Variants in KLRG1 observed in about 807,000 individuals in gnomAD.
KLRG1 encodes killer cell lectin-like receptor subfamily G member 1.
In KLRG1, 16 loss-of-function variants were observed where a neutral mutation model predicts 21.8. That is an observed-to-expected ratio of 0.73 (90% confidence interval 0.50 to 1.11). The LOEUF (loss-of-function observed/expected upper bound fraction) is 1.11. KLRG1 is among the 50% of genes most tolerant of loss of function. The pLI is 0.00. For synonymous variants in KLRG1, 69 were observed against 75.9 expected (o/e 0.91, Z 0.47); for missense variants, 173 against 218.3 (o/e 0.79, Z 1.31).
the KLRG1 span, chr12:9,079,373 G>T: frequency 6.4e-7 from 1 of 1,559,974 alleles, no homozygotes; most frequent in Non-Finnish European, 8.8e-7. Context: ...GGATTAATGT[G>T]CATGCTGAGG....
chr12:8,995,388 A>G lies in KLRG1; in HGVS notation c.357+100A>G, dbSNP rs777540778. 12 of 1,028,378 alleles carry G rather than the reference A, an allele frequency of 1.2e-5. No homozygotes were observed. The African/African-American group carries it at 1.6e-4, about 14-fold the overall frequency. 63.7% of individuals were successfully genotyped at this position (1,028,378 alleles called of 1,614,324 possible). A position where few individuals can be genotyped will look rare whatever the true frequency, so the allele number is the denominator to read the frequency against. ...TATCATGTATCCTCTTTTAAGGAACAGAAGGAATCTGTGATTTGGGGGGGA... is the reference window on the plus strand; with the variant it reads ...TATCATGTATCCTCTTTTAAGGAACGGAAGGAATCTGTGATTTGGGGGGGA... On this transcript the variant is annotated intron_variant, in intron 3 of 4. Coordinates refer to ENST00000356986, the MANE Select transcript of KLRG1 (RefSeq NM_005810.4).
the KLRG1 span, among the ~76,000 whole-genome samples, chr12:9,206,438 C>T: frequency 6.6e-6 from 1 of 152,084 alleles, no homozygotes; most frequent in African/African-American, 2.4e-5. Context: ...CCCAAGATGT[C>T]ATTGGTAGTG....
the KLRG1 span, among the ~76,000 whole-genome samples, chr12:9,193,593 A>G: frequency 6.6e-6 from 1 of 152,192 alleles, no homozygotes; most frequent in African/African-American, 2.4e-5. Context: ...GAAATAATGT[A>G]TATGTTATTT....
In KLRG1 at chr12:8,992,261, GA is replaced by G; in HGVS notation, c.139del (p.Thr47LeufsTer5). The G allele has an allele frequency of 6.2e-7, 1 of 1,613,904 alleles. No individual in the cohort carries two copies. ...TTGTGGCAATAGCTTTGGGGCTTCT[GA>G]CTGCAGTTCTTCTGAGTGTGCTGCT... ...CLVAIALGLL[T>X]AVLLSVLLYQ... On this transcript the variant is annotated frameshift_variant, in exon 2 of 5. Coordinates refer to ENST00000356986, the MANE Select transcript of KLRG1 (RefSeq NM_005810.4). LOFTEE classifies it high-confidence loss of function.
the KLRG1 span, chr12:9,166,245 T>A: frequency 6.3e-7 from 1 of 1,595,964 alleles, no homozygotes; most frequent in South Asian, 1.1e-5. Context: ...AAACATTCAT[T>A]AATTTCATGG....
chr12:9,188,621 AC>A, the KLRG1 span, among the ~76,000 whole-genome samples: 2 of 152,168 alleles, frequency 1.3e-5, no homozygotes, highest in Non-Finnish European at 2.9e-5. Context: ...TATCTAGAAA[AC>A]CCCATAGTGT....
chr12:9,001,529 G>A (rs1947307053), intron 3 of KLRG1, among the ~76,000 whole-genome samples: 1 of 152,050 alleles, frequency 6.6e-6, no homozygotes, highest in Admixed American at 6.6e-5. Context: ...AAATAAACTA[G>A]CCCCAGCCCT....
the KLRG1 span, among the ~76,000 whole-genome samples, chr12:9,212,841 A>G: frequency 2.2e-3 from 335 of 152,328 alleles, 2 homozygotes; most frequent in African/African-American, 7.7e-3. Context: ...ACAGTGTACA[A>G]TTCAGTGGCT....
chr12:9,017,307 CCAAA>C, the KLRG1 span, among the ~76,000 whole-genome samples: 4 of 146,406 alleles, frequency 2.7e-5, no homozygotes, highest in Non-Finnish European at 4.5e-5. Context: ...AAAAAAAATC[CCAAA>C]CAAACAAACC....
the KLRG1 span, among the ~76,000 whole-genome samples, chr12:9,136,408 T>C: frequency 6.6e-6 from 1 of 152,228 alleles, no homozygotes; most frequent in Admixed American, 6.5e-5. Flanking sequence ...TTCGTGTATA[T>C]TGATTGTGGC....
chr12:8,995,283 G>A lies in KLRG1; in HGVS notation c.352G>A (p.Glu118Lys), dbSNP rs762323264. 1.9e-6 allele frequency: 3 copies of A among 1,603,344 alleles called. No homozygotes were observed. The South Asian group carries it at 3.4e-5, about 18-fold the overall frequency. The stretch of plus-strand genomic sequence containing the variant: ...CCTCCTTGTGATAACGGACAATCAG[G>A]AAATGGTAAATGCAAACATTTAGAA... ...SHLLVITDNQ[E>K]MSLLQVFLSE... Residue 118 changes from glutamate (E) to lysine (K), a missense_variant, in exon 3 of 5, where the codon GAA becomes AAA. Glu to Lys is a moderately conservative substitution (Grantham distance 56). Around this residue, in one of 3 missense-constraint regions of KLRG1, gnomAD observed 144 missense variants for 161.5 expected, o/e 0.89. Transcript: ENST00000356986.
the KLRG1 span, among the ~76,000 whole-genome samples, chr12:9,061,414 C>T: frequency 2.6e-5 from 4 of 152,034 alleles, no homozygotes; most frequent in Admixed American, 6.5e-5. Context: ...TGTCAGCCAC[C>T]GCACCTGGCC....
the KLRG1 span, chr12:9,194,316 C>A: frequency 7.3e-7 from 1 of 1,363,516 alleles, no homozygotes; most frequent in Non-Finnish European, 1.0e-6. Flanking sequence ...AATGCTTTTG[C>A]TGCTATAACT....
At chr12:9,035,195 C>T in the KLRG1 span, among the ~76,000 whole-genome samples, 1 of 152,084 alleles carries the variant, frequency 6.6e-6, no homozygotes, top group Non-Finnish European at 1.5e-5. Context: ...TTGGAACCAA[C>T]CCAAATGTCC....
At chr12:9,125,035 C>T in the KLRG1 span, among the ~76,000 whole-genome samples, 1 of 152,194 alleles carries the variant, frequency 6.6e-6, no homozygotes, top group Non-Finnish European at 1.5e-5. Context: ...GAGAAGCTGC[C>T]CTCTCTGCTA....
intron 1 of KLRG1, among the ~76,000 whole-genome samples, chr12:8,979,955 C>G (rs937060673): frequency 6.6e-6 from 1 of 152,076 alleles, no homozygotes; most frequent in Non-Finnish European, 1.5e-5. Flanking sequence ...GGCTGGAGTG[C>G]AGTAGTGCGA....
At chr12:9,175,215 G>GCCT in the KLRG1 span, among the ~76,000 whole-genome samples, 116 of 152,228 alleles carry the variant, frequency 7.6e-4, no homozygotes, top group African/African-American at 2.7e-3. Flanking sequence ...TGGAGGAAAG[G>GCCT]CCTCCCTATT....
At chr12:9,147,602 G>T in the KLRG1 span, among the ~76,000 whole-genome samples, 1 of 152,112 alleles carries the variant, frequency 6.6e-6, no homozygotes, top group South Asian at 2.1e-4. Context: ...TACTAAACTG[G>T]TGTTCATGTG....
chr12:9,110,682 A>G, the KLRG1 span, among the ~76,000 whole-genome samples: 19 of 152,114 alleles, frequency 1.2e-4, no homozygotes, highest in African/African-American at 4.3e-4. Flanking sequence ...CCATAAATAT[A>G]TATACCTGCT....
Sources: gnomAD v4.1 joint callset for allele counts (sites outside exome capture counted in the v4.1 genomes callset) on GRCh38, gnomAD v4.1.1 for gene constraint, gnomAD v4.1.1 regional missense constraint, MANE v1.5 for transcripts, NCBI Gene and HGNC (gene_info 2026-07-23, HGNC 2026-07-21) for gene names.